PPP1R37: variants seen among roughly 807,000 people sequenced by gnomAD.
PPP1R37 encodes the protein leucine rich repeat containing 68.
A neutral mutation model predicts 61.0 loss-of-function variants in PPP1R37; 21 were observed. That is an observed-to-expected ratio of 0.34 (90% CI 0.24 to 0.50). The LOEUF (loss-of-function observed/expected upper bound fraction) is 0.50, where lower values mean the gene tolerates loss of function less well. Among genes scored for constraint, PPP1R37 ranks in the 20% least tolerant of loss-of-function variants. The probability of loss-of-function intolerance (pLI) is 0.98; values close to 1 mark genes in which losing one functional copy is unlikely to be tolerated. For synonymous variants in PPP1R37, 443 were observed against 433.5 expected, an observed-to-expected ratio of 1.02 and a Z score of -0.27; for missense variants, 910 against 952.7, an observed-to-expected ratio of 0.96 and a Z score of 0.59.
Position 45,146,044 on chromosome 19 carries a change from A to G in PPP1R37, c.1988A>G (p.Glu663Gly). Reference sequence around the variant, plus strand: ...GTCAAGGGGGGCAGCTGCGGCCTGGAGCACGGTGAGAGGGGCCCTAGGGCA... The same window carrying G: ...GTCAAGGGGGGCAGCTGCGGCCTGGGGCACGGTGAGAGGGGCCCTAGGGCA... ...PEVKGGSCGL[E>G]HELSCSKNEK... Residue 663 changes from glutamate (E) to glycine (G), a missense_variant, in exon 11 of 13, where the codon GAG becomes GGG. By Grantham distance (98) the Glu-to-Gly change is moderately conservative. Around this residue, in one of 3 missense-constraint regions of PPP1R37, gnomAD observed 549 missense variants for 505.1 expected, o/e 1.09. Coordinates refer to ENST00000221462, the MANE Select transcript of PPP1R37 (RefSeq NM_019121.2). 1.3e-6 allele frequency: 2 copies of G among 1,528,098 alleles called. No homozygotes were observed. The highest frequency in any genetic ancestry group is 1.8e-6 in the Non-Finnish European group (2 of 1,142,460). The allele number at this position is 1,528,098 out of a possible 1,614,324, so 94.7% of individuals were successfully genotyped here.
intron 7 of PPP1R37, 107 bp from the exon 8 acceptor site, chr19:45,143,414 G>T: frequency 1.5e-6 from 1 of 645,322 alleles, no homozygotes; most frequent in East Asian, 2.8e-5. Context: ...TGGGACTGCG[G>T]GGCCTCCATG....
chr19:45,113,182 G>A (rs1968223347), intron 1 of PPP1R37, among the ~76,000 whole-genome samples: 1 of 152,228 alleles, frequency 6.6e-6, no homozygotes, highest in African/African-American at 2.4e-5. Flanking sequence ...GTGTTGGCAT[G>A]TCTTTTCTGA....
rs1968665785 is a variant in PPP1R37, at chr19:45,144,921, A to C, written c.1055A>C (p.His352Pro). The C allele has an allele frequency of 6.5e-7, 1 of 1,535,532 alleles. No individual in the cohort carries two copies. Among genetic ancestry groups the C allele is most frequent in the African/African-American group, 1.4e-5 (1 of 73,002 alleles). Residue 352 changes from histidine (H) to proline (P), a missense_variant, in exon 9 of 13, where the codon CAC becomes CCC. Coordinates refer to ENST00000221462, the MANE Select transcript of PPP1R37 (RefSeq NM_019121.2). Reference sequence around the variant, plus strand: ...CCCATCGGGAACGAGGGTGTGCGGCACCTCAAGAACGGGCTCATCAGCAAC... The same window carrying C: ...CCCATCGGGAACGAGGGTGTGCGGCCCCTCAAGAACGGGCTCATCAGCAAC... ...HNPIGNEGVR[H>P]LKNGLISNRS...
chr19:45,098,671 T>A (rs918073024), intron 1 of PPP1R37, among the ~76,000 whole-genome samples: 2 of 152,170 alleles, frequency 1.3e-5, no homozygotes, highest in Non-Finnish European at 2.9e-5. Flanking sequence ...AATGCGGATC[T>A]TAGGGCATGG....
At position 45,145,657 on chromosome 19, in the gene PPP1R37, C is replaced by A. The variant is rs539710409; in HGVS notation, c.1601C>A (p.Pro534His). The change falls in exon 11 of 13, where the codon CCC becomes CAC. Residue 534 changes from proline (P) to histidine (H), a missense_variant. Around this residue, in one of 3 missense-constraint regions of PPP1R37, gnomAD observed 549 missense variants for 505.1 expected, o/e 1.09. Coordinates refer to ENST00000221462, the MANE Select transcript of PPP1R37 (RefSeq NM_019121.2). The stretch of plus-strand genomic sequence containing the variant: ...ACCCCCTGTCCTGCCCTGGTGCCCC[C>A]CACGGACTCCCTGGGCCCTGGGGAC... ...DETPCPALVPPTDSLGPGDRS... is the reference protein window; with the variant it reads ...DETPCPALVPHTDSLGPGDRS... 1 of 1,535,478 alleles carries A rather than the reference C, an allele frequency of 6.5e-7. No homozygotes were observed. Among genetic ancestry groups the A allele is most frequent in the East Asian group, 2.4e-5 (1 of 40,894 alleles).
chr19:45,143,277 A>T (rs1445536888), intron 7 of PPP1R37: 1 of 446,572 alleles, frequency 2.2e-6, no homozygotes, highest in Non-Finnish European at 4.1e-6. Context: ...GAGGTGGGCC[A>T]GAGGTGGTCA....
At chr19:45,108,678 G>A (rs1308630132) in intron 1 of PPP1R37, 1 of 142,172 alleles carries the variant, frequency 7.0e-6, no homozygotes, top group Non-Finnish European at 1.5e-5. Context: ...TTTCACTCTT[G>A]TTGCCCAGGC....
chr19:45,094,803 G>T (rs867775078), intron 1 of PPP1R37, among the ~76,000 whole-genome samples: 14 of 152,292 alleles, frequency 9.2e-5, no homozygotes, highest in Middle Eastern at 3.4e-3. Context: ...GCAGGTGAGA[G>T]AGATGAAAAA....
At chr19:45,097,708 A>G (rs1209617707) in intron 1 of PPP1R37, among the ~76,000 whole-genome samples, 1 of 150,570 alleles carries the variant, frequency 6.6e-6, no homozygotes, top group Non-Finnish European at 1.5e-5. Flanking sequence ...CATTACGTGA[A>G]TGGCCATCTG....
At chr19:45,113,739 G>T (rs760471564) in intron 1 of PPP1R37, among the ~76,000 whole-genome samples, 48 of 152,306 alleles carry the variant, frequency 3.2e-4, no homozygotes, top group Admixed American at 1.2e-3. Flanking sequence ...CCTCCACTCC[G>T]TGAGCTCACT....
At chr19:45,098,948 T>C (rs1049930596) in intron 1 of PPP1R37, among the ~76,000 whole-genome samples, 2 of 152,196 alleles carry the variant, frequency 1.3e-5, no homozygotes, top group African/African-American at 4.8e-5. Context: ...AGCAGCCACG[T>C]GACTTTGGCG....
intron 1 of PPP1R37, among the ~76,000 whole-genome samples, chr19:45,118,077 T>C (rs1001828371): frequency 7.2e-5 from 11 of 152,220 alleles, no homozygotes; most frequent in African/African-American, 2.4e-4. Flanking sequence ...CAGAGGTTTT[T>C]CCGAACAGGC....
chr19:45,110,298 T>TAG (rs1968184724), intron 1 of PPP1R37, among the ~76,000 whole-genome samples: 2 of 152,022 alleles, frequency 1.3e-5, no homozygotes, highest in African/African-American at 4.8e-5. Context: ...GGATTTTTTG[T>TAG]AGAGACGGGG....
At position 45,142,457 on chromosome 19, in the gene PPP1R37, G is replaced by C; in HGVS notation, c.873G>C (p.Ser291=). 6.5e-7 allele frequency: 1 copy of C among 1,535,808 alleles called. No individual in the cohort carries two copies. Among genetic ancestry groups the C allele is most frequent in the Non-Finnish European group, 8.7e-7 (1 of 1,146,806 alleles). Residue 291 remains serine, a splice_region_variant and synonymous_variant, in exon 7 of 13, where the codon TCG becomes TCC. Transcript: ENST00000221462. ...LDLRNNHVLD[S]GLAYICEGLK... Reference sequence around the variant, plus strand: ...TCCGGAACAACCACGTGCTAGACTCGGGTGGGTGCAGTGGCCCACCCCACC... The same window carrying C: ...TCCGGAACAACCACGTGCTAGACTCCGGTGGGTGCAGTGGCCCACCCCACC...
At chr19:45,098,812 C>G (rs1246355601) in intron 1 of PPP1R37, among the ~76,000 whole-genome samples, 1 of 152,058 alleles carries the variant, frequency 6.6e-6, no homozygotes, top group Non-Finnish European at 1.5e-5. Context: ...CTTCAGCATT[C>G]GTGGTGGAGC....
chr19:45,143,449 T>A, intron 7 of PPP1R37, 72 bp from the exon 8 acceptor site: 1 of 880,036 alleles, frequency 1.1e-6, no homozygotes, highest in Admixed American at 2.1e-5. Flanking sequence ...AGGGGGTTGC[T>A]CCTACCCTGC....
In PPP1R37 at chr19:45,142,070, C is replaced by G; in HGVS notation, c.577C>G (p.Leu193Val). 6.6e-7 allele frequency: 1 copy of G among 1,520,670 alleles called. No homozygotes were observed. Among genetic ancestry groups the G allele is most frequent in the Non-Finnish European group, 8.8e-7 (1 of 1,138,038 alleles). The allele number at this position is 1,520,670 out of a possible 1,614,324, so 94.2% of individuals were successfully genotyped here. A position where few individuals can be genotyped will look rare whatever the true frequency, so the allele number is the denominator to read the frequency against. The change falls in exon 6 of 13, where the codon CTG (leucine) becomes GTG (valine). Residue 193 changes from leucine (L) to valine (V), a missense_variant. Transcript: ENST00000221462. Reference sequence around the variant, plus strand: ...CCTCTTGCCCCTGCAGACGAGCTGCCTGCAGTATCTGGACGCCCGCAACAC... The same window carrying G: ...CCTCTTGCCCCTGCAGACGAGCTGCGTGCAGTATCTGGACGCCCGCAACAC... ...AAHMMRKTSC[L>V]QYLDARNTPL...
chr19:45,113,986 TC>T (rs1354793568), intron 1 of PPP1R37, among the ~76,000 whole-genome samples: 2 of 152,268 alleles, frequency 1.3e-5, no homozygotes, highest in East Asian at 1.9e-4. Flanking sequence ...GCATCCACTC[TC>T]CCGGGGGCTG....
At chr19:45,114,991 T>C (rs1419986677) in intron 1 of PPP1R37, among the ~76,000 whole-genome samples, 1 of 152,170 alleles carries the variant, frequency 6.6e-6, no homozygotes, top group Non-Finnish European at 1.5e-5. Flanking sequence ...CCTTGTGTTC[T>C]GAGAGTGTTA....
Sources: allele counts gnomAD v4.1 joint callset (sites outside exome capture counted in the v4.1 genomes callset), GRCh38; gene constraint gnomAD v4.1.1; regional missense constraint gnomAD v4.1.1; transcripts MANE v1.5; gene names NCBI Gene and HGNC (gene_info 2026-07-23, HGNC 2026-07-21).